The following SIL1 variants were observed in gnomAD, a reference collection of about 807,000 sequenced individuals.
SIL1 encodes the protein SIL1 nucleotide exchange factor.
SIL1 carries 40 observed loss-of-function variants against 49.1 expected under a neutral mutation model. The ratio of observed to expected loss-of-function variants is 0.81; its 90% CI spans 0.63 to 1.06. The LOEUF is 1.06. Among genes scored for constraint, SIL1 ranks in the 50% least tolerant of loss-of-function variants. The pLI, the probability that SIL1 is intolerant of heterozygous loss-of-function variation, is 0.00. For missense variants in SIL1, 500 were observed against 572.6 expected (o/e 0.87, Z 1.29); for synonymous variants, 253 against 250.8 (o/e 1.01, Z -0.08).
At position 138,951,252 on chromosome 5, in the gene SIL1, C is replaced by CA. The variant is rs767943814; in HGVS notation, c.947dup (p.Arg317GlufsTer35). The CA allele has an allele frequency of 2.4e-5, 38 of 1,594,996 alleles. No homozygotes were observed. The highest frequency in any genetic ancestry group is 3.0e-5 in the Non-Finnish European group (35 of 1,170,424). ...TGCCCTTCTCCTGCACCAGGGTCCTCAGGACCTGCAGCCCCCCGAGCTTCA... is the reference window on the plus strand; with the variant it reads ...TGCCCTTCTCCTGCACCAGGGTCCTCAAGGACCTGCAGCCCCCCGAGCTTCA... On this transcript the variant is annotated frameshift_variant, in exon 9 of 10. Transcript: ENST00000394817. LOFTEE classifies it high-confidence loss of function.
chr5:139,011,477 T>C (rs1329442305), intron 7 of SIL1, among the ~76,000 whole-genome samples: 2 of 152,210 alleles, frequency 1.3e-5, no homozygotes, highest in African/African-American at 4.8e-5. Context: ...TCGGCCATCT[T>C]GGCTCCTCCA....
At chr5:138,999,222 A>T (rs1767936825) in intron 7 of SIL1, among the ~76,000 whole-genome samples, 1 of 151,702 alleles carries the variant, frequency 6.6e-6, no homozygotes, top group Admixed American at 6.6e-5. Flanking sequence ...GTCCAATTCA[A>T]TTTTTTCCAT....
intron 9 of SIL1, among the ~76,000 whole-genome samples, chr5:138,950,474 A>G (rs1766744712): frequency 6.6e-6 from 1 of 152,214 alleles, no homozygotes; most frequent in Non-Finnish European, 1.5e-5. Flanking sequence ...AGCCTCCACC[A>G]TTCGGCAGCA....
chr5:139,063,330 A>G (rs1297023848), intron 3 of SIL1, among the ~76,000 whole-genome samples: 1 of 152,218 alleles, frequency 6.6e-6, no homozygotes, highest in African/African-American at 2.4e-5. Context: ...CCCAAATTTA[A>G]TAAATCCAGG....
intron 1 of SIL1, among the ~76,000 whole-genome samples, chr5:139,173,046 ATAG>A (rs1014015352): frequency 1.3e-5 from 2 of 152,104 alleles, no homozygotes; most frequent in African/African-American, 4.8e-5. Context: ...AAAAATAGAT[ATAG>A]GTTATGTTTT....
intron 3 of SIL1, among the ~76,000 whole-genome samples, chr5:139,070,305 G>A (rs7701338): frequency 0.39 from 59,370 of 151,508 alleles, 12,186 homozygotes; most frequent in Middle Eastern, 0.46. Context: ...CAGGACTCTC[G>A]GTGTGGGAAA....
rs74717670 is a variant in SIL1, at chr5:139,065,215, T to C, written c.245-14169A>G. Among the ~76,000 whole-genome samples the C allele has an allele frequency of 2.0e-5, 3 of 152,288 alleles. No homozygotes were observed. In the East Asian group the frequency reaches 5.8e-4, roughly 29 times the overall value. On this transcript the variant is annotated intron_variant, in intron 3 of 9. Coordinates refer to ENST00000394817, the MANE Select transcript of SIL1 (RefSeq NM_022464.5). Reference sequence around the variant, plus strand: ...AGGGCAGCAAATGAGCTGTTTAAACTTAGCCTGTACCACATCGAAAACACC... The same window carrying C: ...AGGGCAGCAAATGAGCTGTTTAAACCTAGCCTGTACCACATCGAAAACACC...
intron 7 of SIL1, among the ~76,000 whole-genome samples, chr5:139,009,446 A>C (rs372210496): frequency 2.4e-4 from 33 of 137,508 alleles, no homozygotes; most frequent in South Asian, 5.2e-4. Context: ...TTAATTGGAG[A>C]ATTTAGTCCA....
chr5:139,190,160 A>G (rs1322139438), intron 1 of SIL1, among the ~76,000 whole-genome samples: 1 of 152,224 alleles, frequency 6.6e-6, no homozygotes, highest in Admixed American at 6.5e-5. Context: ...GTGTGTTTAA[A>G]CCACTCTGAA....
In SIL1 at chr5:139,082,256, A is replaced by G. The variant is rs559005572; in HGVS notation, c.245-31210T>C. 2.6e-5 allele frequency among the ~76,000 whole-genome samples: 4 copies of G among 152,294 alleles called. No homozygotes were observed. In the East Asian group the frequency reaches 7.7e-4, roughly 29 times the overall value. Reference sequence around the variant, plus strand: ...CCTGCCTAGAGCAGCCTTCAGGCTGATGATAGAACTGAGTCTCTAACCAGG... The same window carrying G: ...CCTGCCTAGAGCAGCCTTCAGGCTGGTGATAGAACTGAGTCTCTAACCAGG... On this transcript the variant is annotated intron_variant, in intron 3 of 9. Transcript: ENST00000394817.
chr5:138,996,513 A>ATTTTTTTTTT (rs140943492), intron 7 of SIL1, among the ~76,000 whole-genome samples: 5 of 89,890 alleles, frequency 5.6e-5, no homozygotes, highest in Non-Finnish European at 8.0e-5. Context: ...TGCTGTGCAG[A>ATTTTTTTTTT]TTTTTTTTTT....
At chr5:139,044,045 C>T (rs903552842) in intron 4 of SIL1, among the ~76,000 whole-genome samples, 1 of 152,198 alleles carries the variant, frequency 6.6e-6, no homozygotes, top group African/African-American at 2.4e-5. Context: ...TTCCTAGAGA[C>T]CTTTTAGGGC....
At chr5:139,040,484 C>CTT (rs140792595) in intron 5 of SIL1, among the ~76,000 whole-genome samples, 1,756 of 89,200 alleles carry the variant, frequency 0.02, 219 homozygotes, top group African/African-American at 0.026. Context: ...AGTATTTTTT[C>CTT]TTTTTTCTTT....
chr5:139,107,769 C>T (rs148062003), intron 3 of SIL1, among the ~76,000 whole-genome samples: 12 of 152,326 alleles, frequency 7.9e-5, no homozygotes, highest in African/African-American at 2.9e-4. Flanking sequence ...GAAAAAACAA[C>T]AGCTAACATT....
At chr5:139,120,970 G>A in intron 3 of SIL1, 65 bp downstream of exon 3, 2 of 1,599,772 alleles carry the variant, frequency 1.3e-6, no homozygotes, top group South Asian at 1.1e-5. Flanking sequence ...AGCCCTCTGG[G>A]GACAAAGGAC....
intron 1 of SIL1, chr5:139,137,225 C>A: frequency 1.5e-6 from 1 of 649,664 alleles, no homozygotes; most frequent in Middle Eastern, 2.4e-4. Flanking sequence ...ATGTTGCAAG[C>A]AAAGTATTAG....
intron 1 of SIL1, among the ~76,000 whole-genome samples, chr5:139,130,545 T>C (rs1750844049): frequency 6.6e-6 from 1 of 151,910 alleles, no homozygotes; most frequent in Non-Finnish European, 1.5e-5. Context: ...TATAAAACAG[T>C]GCAGCCACTT....
In SIL1 at chr5:139,127,830, C is replaced by T; in HGVS notation, c.14G>A (p.Ser5Asn). 1 of 1,603,622 alleles carries T rather than the reference C, an allele frequency of 6.2e-7. No individual in the cohort carries two copies. Residue 5 changes from serine (S) to asparagine (N), a missense_variant, in exon 2 of 10, where the codon AGC becomes AAC. Coordinates refer to ENST00000394817, the MANE Select transcript of SIL1 (RefSeq NM_022464.5). MAPQSLPSSRMAPLG... is the reference protein window; with the variant it reads MAPQNLPSSRMAPLG... ...AGGAGCCATCCTAGATGAAGGCAGGCTCTGGGGAGCCATAGTCAGGGACCT... is the reference window on the plus strand; with the variant it reads ...AGGAGCCATCCTAGATGAAGGCAGGTTCTGGGGAGCCATAGTCAGGGACCT...
At chr5:139,122,343 A>G (rs1750657924) in intron 2 of SIL1, among the ~76,000 whole-genome samples, 1 of 152,176 alleles carries the variant, frequency 6.6e-6, no homozygotes, top group South Asian at 2.1e-4. Flanking sequence ...CTATAATCCC[A>G]GCACTTTGAG....
Sources: gnomAD v4.1 joint callset for allele counts (sites outside exome capture counted in the v4.1 genomes callset) on GRCh38, gnomAD v4.1.1 for gene constraint, MANE v1.5 for transcripts, NCBI Gene and HGNC (gene_info 2026-07-23, HGNC 2026-07-21) for gene names.